TMEM163: variants seen among roughly 807,000 people sequenced by gnomAD.
The protein encoded by TMEM163 is transmembrane protein 163.
TMEM163 carries 17 observed loss-of-function variants against 29.3 expected under a neutral mutation model. The observed-to-expected ratio is 0.58, with a 90% CI of 0.40 to 0.87. The LOEUF (loss-of-function observed/expected upper bound fraction) is 0.87. Ranked by LOEUF, TMEM163 falls within the 40% of genes least tolerant of loss-of-function variation. The probability of loss-of-function intolerance (pLI) is 0.00; values close to 1 mark genes in which losing one functional copy is unlikely to be tolerated. For synonymous variants in TMEM163, 157 were observed against 160.6 expected, an observed-to-expected ratio of 0.98 and a Z score of 0.17; for missense variants, 303 against 381.5, an observed-to-expected ratio of 0.79 and a Z score of 1.71.
Position 134,711,694 on chromosome 2 carries a change from C to T in TMEM163, c.322+1506G>A, listed in dbSNP as rs529490411. ...GGTGTAACATGTGAAACCAAAATTT[C>T]CTCATAATTTTTGTCTATTATGAGA... is the stretch of plus-strand genomic sequence containing the variant. On this transcript the variant is annotated intron_variant, in intron 2 of 7. Coordinates refer to ENST00000281924, the MANE Select transcript of TMEM163 (RefSeq NM_030923.5). 4.6e-4 allele frequency among the ~76,000 whole-genome samples: 70 copies of T among 152,290 alleles called. 1 individual carries two copies. The South Asian group carries it at 0.011, about 23-fold the overall frequency.
In TMEM163 at chr2:134,550,664, AG is replaced by A; in HGVS notation, c.367-4del. The A allele has an allele frequency of 6.2e-7, 1 of 1,614,066 alleles. No individual in the cohort carries two copies. Among genetic ancestry groups the A allele is most frequent in the Non-Finnish European group, 8.5e-7 (1 of 1,179,922 alleles). On this transcript the variant is annotated splice_polypyrimidine_tract_variant and splice_region_variant and intron_variant, in intron 3 of 7. Transcript: ENST00000281924. The stretch of plus-strand genomic sequence containing the variant: ...AGGACGTCCAGGATGGCATCAAACT[AG>A]GAGAAGGAGACATGGCATTAGAGGC...
chr2:134,485,528 G>A (rs1307925644), intron 5 of TMEM163, among the ~76,000 whole-genome samples: 1 of 152,184 alleles, frequency 6.6e-6, no homozygotes, highest in Non-Finnish European at 1.5e-5. Flanking sequence ...CCAGCAAGAA[G>A]GGTAGGCGGG....
At chr2:134,648,304 CCTCTT>C (rs60230448) in intron 2 of TMEM163, among the ~76,000 whole-genome samples, 29,033 of 143,090 alleles carry the variant, frequency 0.2, 3,726 homozygotes, top group East Asian at 0.61. Context: ...CACTGCTTCT[CCTCTT>C]CTCTTCTCTT....
chr2:134,553,804 C>A (rs571017363), intron 2 of TMEM163, among the ~76,000 whole-genome samples: 2 of 152,158 alleles, frequency 1.3e-5, no homozygotes, highest in African/African-American at 4.8e-5. Flanking sequence ...TGTAAAGGGG[C>A]ACTGGCCCTT....
At chr2:134,526,733 T>G (rs1323649745) in intron 4 of TMEM163, among the ~76,000 whole-genome samples, 8 of 152,170 alleles carry the variant, frequency 5.3e-5, no homozygotes, top group Admixed American at 5.2e-4. Flanking sequence ...GGCAATGCAG[T>G]GCAGGCTGAC....
At chr2:134,566,407 A>C (rs997251103) in intron 2 of TMEM163, among the ~76,000 whole-genome samples, 1 of 152,076 alleles carries the variant, frequency 6.6e-6, no homozygotes, top group Non-Finnish European at 1.5e-5. Flanking sequence ...ACTAAAAAAC[A>C]CGAAAATTAG....
chr2:134,548,987 TAA>T (rs2106506794), intron 4 of TMEM163, among the ~76,000 whole-genome samples: 1 of 152,306 alleles, frequency 6.6e-6, no homozygotes, highest in East Asian at 1.9e-4. Context: ...TTGAAATTTT[TAA>T]AAGTCAGTTT....
chr2:134,692,767 T>G (rs897650216), intron 2 of TMEM163, among the ~76,000 whole-genome samples: 3 of 152,154 alleles, frequency 2.0e-5, no homozygotes, highest in African/African-American at 7.2e-5. Flanking sequence ...TTGTGTAAAC[T>G]GAGCCACCTC....
chr2:134,545,956 G>C (rs931407043), intron 4 of TMEM163, among the ~76,000 whole-genome samples: 2 of 152,016 alleles, frequency 1.3e-5, no homozygotes, highest in African/African-American at 2.4e-5. Context: ...AGAACCCCTT[G>C]CTTGTAAACA....
At chr2:134,560,552 A>G (rs1681145731) in intron 2 of TMEM163, among the ~76,000 whole-genome samples, 1 of 152,194 alleles carries the variant, frequency 6.6e-6, no homozygotes, top group Non-Finnish European at 1.5e-5. Context: ...TTTCTGGGGC[A>G]CAATGGAGAA....
At chr2:134,487,696 C>A (rs913308179) in intron 5 of TMEM163, among the ~76,000 whole-genome samples, 1 of 152,156 alleles carries the variant, frequency 6.6e-6, no homozygotes, top group African/African-American at 2.4e-5. Flanking sequence ...ACCCACGCAT[C>A]CACAGAATGG....
At chr2:134,565,427 G>A (rs2104780554) in intron 2 of TMEM163, among the ~76,000 whole-genome samples, 1 of 152,182 alleles carries the variant, frequency 6.6e-6, no homozygotes, top group East Asian at 1.9e-4. Flanking sequence ...CCAACATGGT[G>A]AAACCTCGTC....
At chr2:134,673,808 C>T (rs2104868731) in intron 2 of TMEM163, among the ~76,000 whole-genome samples, 1 of 152,316 alleles carries the variant, frequency 6.6e-6, no homozygotes, top group South Asian at 2.1e-4. Flanking sequence ...CCTGCCAACA[C>T]CTTAACTTTA....
At chr2:134,512,285 C>G (rs1172865853) in intron 4 of TMEM163, among the ~76,000 whole-genome samples, 1 of 152,088 alleles carries the variant, frequency 6.6e-6, no homozygotes, top group Admixed American at 6.5e-5. Flanking sequence ...TGGTGAAACC[C>G]CATCTCTAAT....
chr2:134,525,922 C>G (rs757216659), intron 4 of TMEM163, among the ~76,000 whole-genome samples: 2 of 152,204 alleles, frequency 1.3e-5, no homozygotes, highest in African/African-American at 2.4e-5. Context: ...ACAAGGAGAA[C>G]GGTTTGCAAA....
intron 2 of TMEM163, among the ~76,000 whole-genome samples, chr2:134,656,402 C>T (rs1040179612): frequency 2.0e-4 from 30 of 151,556 alleles, no homozygotes; most frequent in Middle Eastern, 3.4e-3. Context: ...TGCCCTGCTT[C>T]GGCTCGCGCA....
chr2:134,503,365 G>A (rs1434556358), intron 4 of TMEM163, among the ~76,000 whole-genome samples: 1 of 152,214 alleles, frequency 6.6e-6, no homozygotes, highest in African/African-American at 2.4e-5. Context: ...CAGAATGGAG[G>A]CTCTGGCATG....
At chr2:134,546,259 T>C (rs1467586627) in intron 4 of TMEM163, among the ~76,000 whole-genome samples, 2 of 152,244 alleles carry the variant, frequency 1.3e-5, no homozygotes, top group Non-Finnish European at 2.9e-5. Flanking sequence ...TGCACACTCA[T>C]GTTCATAGCA....
At chr2:134,611,130 T>C (rs561902904) in intron 2 of TMEM163, among the ~76,000 whole-genome samples, 1 of 152,296 alleles carries the variant, frequency 6.6e-6, no homozygotes, top group East Asian at 1.9e-4. Flanking sequence ...ATATGTATCA[T>C]GTAGCCAAAA....
Sources: gnomAD v4.1 joint callset for allele counts (sites outside exome capture counted in the v4.1 genomes callset) on GRCh38, gnomAD v4.1.1 for gene constraint, MANE v1.5 for transcripts, NCBI Gene and HGNC (gene_info 2026-07-23, HGNC 2026-07-21) for gene names.